ENOX1: variants seen among roughly 807,000 people sequenced by gnomAD.
The protein encoded by ENOX1 is ecto-NOX disulfide-thiol exchanger 1, also known as candidate growth-related and time keeping constitutive hydroquinone (NADH) oxidase.
Under a neutral mutation model 82.5 loss-of-function variants are expected in ENOX1, and 42 were observed. The ratio of observed to expected loss-of-function variants is 0.51; its 90% CI spans 0.40 to 0.66. ENOX1 has a LOEUF of 0.66. Among genes scored for constraint, ENOX1 ranks in the 30% least tolerant of loss-of-function variants. ENOX1 has a pLI of 0.00. For missense variants in ENOX1, 608 were observed against 811.6 expected, an observed-to-expected ratio of 0.75 and a Z score of 3.05; for synonymous variants, 271 against 282.2, an observed-to-expected ratio of 0.96 and a Z score of 0.40.
At chr13:43,468,697 T>C (rs560701140) in intron 3 of ENOX1, among the ~76,000 whole-genome samples, 2 of 151,900 alleles carry the variant, frequency 1.3e-5, no homozygotes, top group East Asian at 1.9e-4. Flanking sequence ...TCTGTAGATA[T>C]ATTTGGGGAG....
chr13:43,296,606 T>C (rs576248983), intron 12 of ENOX1, among the ~76,000 whole-genome samples: 21 of 152,318 alleles, frequency 1.4e-4, no homozygotes, highest in African/African-American at 4.8e-4. Flanking sequence ...TGAAAAGTTA[T>C]GAGAAGCTCC....
intron 1 of ENOX1, among the ~76,000 whole-genome samples, chr13:43,744,529 G>A (rs548657174): frequency 6.6e-6 from 1 of 152,090 alleles, no homozygotes; most frequent in Non-Finnish European, 1.5e-5. Flanking sequence ...TGGGCTCTTT[G>A]GCAGTCACGT....
chr13:43,615,522 T>C (rs1234797094), intron 2 of ENOX1, among the ~76,000 whole-genome samples: 3 of 152,168 alleles, frequency 2.0e-5, no homozygotes, highest in African/African-American at 7.2e-5. Flanking sequence ...AAAAATTACA[T>C]AATCTTAAAA....
intron 13 of ENOX1, among the ~76,000 whole-genome samples, chr13:43,267,117 G>A (rs1004887823): frequency 3.3e-5 from 5 of 152,070 alleles, no homozygotes; most frequent in Admixed American, 6.6e-5. Context: ...ACCCCTCCCC[G>A]CTGCAGCCCA....
intron 2 of ENOX1, among the ~76,000 whole-genome samples, chr13:43,510,747 A>G (rs1351215328): frequency 6.6e-6 from 1 of 152,142 alleles, no homozygotes; most frequent in Non-Finnish European, 1.5e-5. Context: ...TATGATCTTG[A>G]GAAAGTTATT....
intron 3 of ENOX1, among the ~76,000 whole-genome samples, chr13:43,415,246 T>TG (rs1415167302): frequency 1.4e-5 from 2 of 145,756 alleles, no homozygotes; most frequent in African/African-American, 2.5e-5. Flanking sequence ...TTTTTTTTTT[T>TG]TTTTTTTTTT....
chr13:43,388,882 C>T lies in ENOX1; in HGVS notation c.208+23034G>A, dbSNP rs115977561. The stretch of plus-strand genomic sequence containing the variant: ...TTATCCAACTGTGAGTCTGGAAACA[C>T]TGCCTAATTATTAACTAGCAGGTGA... On this transcript the variant is annotated intron_variant, in intron 5 of 16. Transcript: ENST00000690772. Among the ~76,000 whole-genome samples the T allele has an allele frequency of 2.5e-3, 387 of 152,192 alleles. 1 individual carries two copies. The highest frequency in any genetic ancestry group is 8.9e-3 in the African/African-American group (370 of 41,536).
chr13:43,576,790 A>G (rs542105696), intron 2 of ENOX1, among the ~76,000 whole-genome samples: 6 of 152,238 alleles, frequency 3.9e-5, no homozygotes, highest in Non-Finnish European at 8.8e-5. Context: ...TTTCTATGGA[A>G]CAGCACTAGG....
Position 43,485,218 on chromosome 13 carries a change from G to A in ENOX1, c.-218-1066C>T, listed in dbSNP as rs538778252. On this transcript the variant is annotated intron_variant, in intron 2 of 16. Coordinates refer to ENST00000690772, the MANE Select transcript of ENOX1 (RefSeq NM_001347969.2). ...GCTATCTCTATATTTGTTTCTGATG[G>A]TTCCAGTGCAACACAGAGACCCCCT... is the stretch of plus-strand genomic sequence containing the variant. 4.6e-4 allele frequency among the ~76,000 whole-genome samples: 70 copies of A among 152,174 alleles called. 1 individual carries two copies. The highest frequency in any genetic ancestry group is 2.0e-3 in the Admixed American group (31 of 15,274).
chr13:43,222,372 G>A lies in ENOX1; in HGVS notation c.1800+1681C>T, dbSNP rs561477587. ...TATCAATCCCTGCCCATTCCCAGGAGATGATTTTACACACACACACACACA... is the reference window on the plus strand; with the variant it reads ...TATCAATCCCTGCCCATTCCCAGGAAATGATTTTACACACACACACACACA... On this transcript the variant is annotated intron_variant, in intron 16 of 16. Transcript: ENST00000690772. Among the ~76,000 whole-genome samples the A allele has an allele frequency of 2.1e-5, 3 of 146,276 alleles. No individual in the cohort carries two copies. The East Asian group carries it at 6.2e-4, about 30-fold the overall frequency.
At chr13:43,502,558 G>GA (rs1268140030) in intron 2 of ENOX1, among the ~76,000 whole-genome samples, 2 of 151,516 alleles carry the variant, frequency 1.3e-5, no homozygotes, top group African/African-American at 2.4e-5. Context: ...CTCAACATAT[G>GA]AAAATCAATC....
At chr13:43,694,285 C>T (rs2086522582) in intron 1 of ENOX1, among the ~76,000 whole-genome samples, 1 of 150,808 alleles carries the variant, frequency 6.6e-6, no homozygotes, top group South Asian at 2.1e-4. Context: ...TGTGCTAGAA[C>T]AAAATCAGTC....
chr13:43,354,703 T>C (rs753901554), intron 8 of ENOX1, among the ~76,000 whole-genome samples: 37 of 152,310 alleles, frequency 2.4e-4, no homozygotes, highest in Non-Finnish European at 4.0e-4. Flanking sequence ...AATCCAGCAA[T>C]AGCCTTCAGG....
intron 8 of ENOX1, among the ~76,000 whole-genome samples, chr13:43,348,052 CTT>C (rs1331429363): frequency 3.9e-5 from 6 of 152,328 alleles, no homozygotes; most frequent in African/African-American, 1.4e-4. Flanking sequence ...CCAGAGCCCT[CTT>C]TGTTAAACAG....
At chr13:43,638,291 T>C (rs1278510430) in intron 2 of ENOX1, among the ~76,000 whole-genome samples, 2 of 152,218 alleles carry the variant, frequency 1.3e-5, no homozygotes, top group African/African-American at 2.4e-5. Context: ...GAAGCCATAA[T>C]TTCCATATTT....
At chr13:43,602,815 G>A (rs1296545433) in intron 2 of ENOX1, among the ~76,000 whole-genome samples, 1 of 152,042 alleles carries the variant, frequency 6.6e-6, no homozygotes, top group East Asian at 1.9e-4. Context: ...AACCAATCAT[G>A]AAATATGTGC....
intron 1 of ENOX1, among the ~76,000 whole-genome samples, chr13:43,764,997 CA>C (rs916635841): frequency 6.6e-6 from 1 of 152,214 alleles, no homozygotes; most frequent in African/African-American, 2.4e-5. Context: ...ACGGGCAGAA[CA>C]CTTAAATGAG....
chr13:43,614,254 A>G (rs576684980), intron 2 of ENOX1, among the ~76,000 whole-genome samples: 1 of 152,206 alleles, frequency 6.6e-6, no homozygotes, highest in East Asian at 1.9e-4. Flanking sequence ...GAAACACAAA[A>G]AACACTGGAT....
At chr13:43,319,323 C>G (rs942752014) in intron 11 of ENOX1, among the ~76,000 whole-genome samples, 1 of 152,072 alleles carries the variant, frequency 6.6e-6, no homozygotes, top group Non-Finnish European at 1.5e-5. Flanking sequence ...AGAGTGAACA[C>G]CCCACCCAGA....
Sources: allele counts gnomAD v4.1 joint callset (sites outside exome capture counted in the v4.1 genomes callset), GRCh38; gene constraint gnomAD v4.1.1; transcripts MANE v1.5; gene names NCBI Gene and HGNC (gene_info 2026-07-23, HGNC 2026-07-21).